Variants in KHK observed in about 807,000 individuals in gnomAD.
KHK encodes the protein fructokinase.
KHK carries 37 observed loss-of-function variants against 36.0 expected under a neutral mutation model. The observed-to-expected ratio is 1.03, with a 90% CI of 0.79 to 1.35. KHK has a LOEUF of 1.35. Ranked by LOEUF, KHK falls within the 40% of genes most tolerant of loss-of-function variation. The pLI is 0.00. For missense variants in KHK, 395 were observed against 391.9 expected, an observed-to-expected ratio of 1.01 and a Z score of -0.07; for synonymous variants, 161 against 162.8, an observed-to-expected ratio of 0.99 and a Z score of 0.08.
chr2:27,099,718 TG>T lies in KHK; in HGVS notation c.866del (p.Cys289LeufsTer128). 1.2e-6 allele frequency: 2 copies of T among 1,613,964 alleles called. No homozygotes were observed. The highest frequency in any genetic ancestry group is 1.7e-6 in the Non-Finnish European group (2 of 1,179,992). On this transcript the variant is annotated frameshift_variant, in exon 8 of 8. Transcript: ENST00000260598. LOFTEE classifies it high-confidence loss of function. ...RFGCQVAGKK[C>X]GLQGFDGIV ...CGGGTGCCAGGTGGCCGGCAAGAAG[TG>T]TGGCCTGCAGGGCTTTGATGGCATC... is the stretch of plus-strand genomic sequence containing the variant.
intron 1 of KHK, among the ~76,000 whole-genome samples, chr2:27,091,800 A>G (rs1326906293): frequency 2.0e-5 from 3 of 152,198 alleles, no homozygotes; most frequent in Middle Eastern, 3.2e-3. Context: ...TAAACGACCA[A>G]CGTCCAGGTT....
chr2:27,087,210 C>A lies in KHK; in HGVS notation c.-50C>A. 6 of 1,485,654 alleles carry A rather than the reference C, an allele frequency of 4.0e-6. No individual in the cohort carries two copies. Among genetic ancestry groups the A allele is most frequent in the Non-Finnish European group, 5.5e-6 (6 of 1,086,544 alleles). The allele number at this position is 1,485,654 out of a possible 1,614,324, so 92.0% of individuals were successfully genotyped here. A position where few individuals can be genotyped will look rare whatever the true frequency, so the allele number is the denominator to read the frequency against. On this transcript the variant is annotated 5_prime_UTR_variant, in exon 1 of 8. Coordinates refer to ENST00000260598, the MANE Select transcript of KHK (RefSeq NM_006488.3). ...ATCCTCCTGGATAAGAGGCAGAGGC[C>A]GGGAGGAACCCCGTCAGCCGGGCGG...
rs745546639 is a variant in KHK, at chr2:27,099,444, TGAG to T, written c.683_685del (p.Glu228del). 141 of 1,613,852 alleles carry T rather than the reference TGAG, an allele frequency of 8.7e-5. No homozygotes were observed. Among genetic ancestry groups the T allele is most frequent in the Non-Finnish European group, 1.1e-4 (130 of 1,179,918 alleles). ...GGGCTGTGCTTGTCTGTGCCTGGGCTGAGGAGGGCGCCGACGCCCTGGGCCCTG... is the reference window on the plus strand; with the variant it reads ...GGGCTGTGCTTGTCTGTGCCTGGGCTGAGGGCGCCGACGCCCTGGGCCCTG... On this transcript the variant is annotated inframe_deletion, in exon 7 of 8. Transcript: ENST00000260598.
chr2:27,092,457 A>G lies in KHK; in HGVS notation c.209+9A>G. ...CCTGGCCATGTTGCTGAGTAAGTCC[A>G]GGAGGGAGAGCCCACTGGGGAAGGC... On this transcript the variant is annotated intron_variant, in intron 2 of 7. Transcript: ENST00000260598. 3 of 1,600,172 alleles carry G rather than the reference A, an allele frequency of 1.9e-6. No homozygotes were observed. Among genetic ancestry groups the G allele is most frequent in the Non-Finnish European group, 2.6e-6 (3 of 1,168,780 alleles).
rs764011093 is a variant in KHK, at chr2:27,099,895, C to T, written c.*145C>T. The stretch of plus-strand genomic sequence containing the variant: ...GAGGACTCTGCCTGTGTCCTGTGTT[C>T]CCCACAGGGAGAGGCTCTGGGGGGA... On this transcript the variant is annotated 3_prime_UTR_variant, in exon 8 of 8. Transcript: ENST00000260598. 6 of 1,530,702 alleles carry T rather than the reference C, an allele frequency of 3.9e-6. No individual in the cohort carries two copies. Among genetic ancestry groups the T allele is most frequent in the Non-Finnish European group, 5.3e-6 (6 of 1,129,816 alleles). 94.8% of individuals were successfully genotyped at this position (1,530,702 alleles called of 1,614,324 possible).
intron 1 of KHK, chr2:27,087,942 A>G (rs1669760196): frequency 1.3e-5 from 2 of 152,260 alleles, no homozygotes. Context: ...ATGTATGGAT[A>G]GAGCTGGTTC....
At chr2:27,096,486 T>C (rs887813866) in intron 3 of KHK, among the ~76,000 whole-genome samples, 1 of 151,166 alleles carries the variant, frequency 6.6e-6, no homozygotes, top group Non-Finnish European at 1.5e-5. Context: ...CCAGTTGACA[T>C]GTGTTGCAGT....
At position 27,094,882 on chromosome 2, in the gene KHK, T is replaced by C; in HGVS notation, c.292T>C (p.Cys98Arg). 6.2e-7 allele frequency: 1 copy of C among 1,614,026 alleles called. No homozygotes were observed. Among genetic ancestry groups the C allele is most frequent in the Non-Finnish European group, 8.5e-7 (1 of 1,180,046 alleles). ...GAGCAAGGGGGACACCCCCAGCTCC[T>C]GCTGCATCATCAACAACTCCAATGG... Reference protein sequence around the residue: ...WQSKGDTPSSCCIINNSNGNR... With the variant: ...WQSKGDTPSSRCIINNSNGNR... The change falls in exon 3 of 8, where the codon TGC (cysteine) becomes CGC (arginine). Residue 98 changes from cysteine to arginine, a missense_variant. By Grantham distance (180) the Cys-to-Arg change is radical. Coordinates refer to ENST00000260598, the MANE Select transcript of KHK (RefSeq NM_006488.3).
intron 5 of KHK, among the ~76,000 whole-genome samples, chr2:27,098,423 C>T (rs534463990): frequency 1.4e-5 from 2 of 146,950 alleles, no homozygotes; most frequent in South Asian, 4.3e-4. Context: ...GAGGCCAATG[C>T]AGGAGGATCA....
intron 1 of KHK, among the ~76,000 whole-genome samples, chr2:27,091,729 G>A (rs980725971): frequency 5.3e-5 from 8 of 152,204 alleles, no homozygotes; most frequent in Non-Finnish European, 1.2e-4. Context: ...CGTGTGTCTT[G>A]TTAGTTTCCT....
chr2:27,097,537 A>C lies in KHK; in HGVS notation c.452A>C (p.Gln151Pro), dbSNP rs1242006155. Residue 151 changes from glutamine to proline, a missense_variant, in exon 5 of 8, where the codon CAG (glutamine) becomes CCG (proline). Coordinates refer to ENST00000260598, the MANE Select transcript of KHK (RefSeq NM_006488.3). ...RNASEQVKML[Q>P]RIDAHNTRQP... ...GCATCGGAGCAGGTGAAGATGCTGC[A>C]GCGGATAGACGCACACAACACCAGG... 1.2e-6 allele frequency: 2 copies of C among 1,613,826 alleles called. No homozygotes were observed. Among genetic ancestry groups the C allele is most frequent in the East Asian group, 4.5e-5 (2 of 44,896 alleles).
intron 5 of KHK, 189 bp from the exon 6 acceptor site, chr2:27,099,007 C>T: frequency 1.6e-6 from 1 of 616,902 alleles, no homozygotes; most frequent in Non-Finnish European, 3.0e-6. Flanking sequence ...CAAGACCAGC[C>T]TCAGGGAGAC....
At chr2:27,088,505 T>C (rs1669800092) in intron 1 of KHK, among the ~76,000 whole-genome samples, 1 of 152,156 alleles carries the variant, frequency 6.6e-6, no homozygotes, top group Non-Finnish European at 1.5e-5. Context: ...CTCCGCCTCC[T>C]GGATTCAAGC....
rs756059234 is a variant in KHK, at chr2:27,094,940, G to T, written c.344+6G>T. On this transcript the variant is annotated splice_donor_region_variant and intron_variant, in intron 3 of 7. Transcript: ENST00000260598. Reference sequence around the variant, plus strand: ...ACCATTGTGCTCCATGACACGTAAGGCCCCCGGGCCTCGCCCTGCTACAAC... The same window carrying T: ...ACCATTGTGCTCCATGACACGTAAGTCCCCCGGGCCTCGCCCTGCTACAAC... The T allele has an allele frequency of 6.2e-6, 10 of 1,613,648 alleles. 1 individual carries two copies. In the South Asian group the frequency reaches 9.9e-5, roughly 16 times the overall value.
intron 1 of KHK, among the ~76,000 whole-genome samples, chr2:27,089,120 C>T (rs1167793495): frequency 3.9e-5 from 6 of 152,316 alleles, no homozygotes; most frequent in South Asian, 2.1e-4. Flanking sequence ...TTTAAGGCCA[C>T]GGAGTTAAAT....
intron 1 of KHK, 22 bp downstream of exon 1, chr2:27,087,373 A>T: frequency 6.6e-7 from 1 of 1,518,468 alleles, no homozygotes; most frequent in Non-Finnish European, 9.0e-7. Flanking sequence ...CAGGTCCCCT[A>T]GGGGACCCCA....
At position 27,094,904 on chromosome 2, in the gene KHK, A is replaced by G. The variant is rs1063554; in HGVS notation, c.314A>G (p.Asn105Ser). ...TCCTGCTGCATCATCAACAACTCCAATGGCAACCGTACCATTGTGCTCCAT... is the reference window on the plus strand; with the variant it reads ...TCCTGCTGCATCATCAACAACTCCAGTGGCAACCGTACCATTGTGCTCCAT... ...PSSCCIINNS[N>S]GNRTIVLHDT... The change falls in exon 3 of 8, where the codon AAT becomes AGT. Residue 105 changes from asparagine (N) to serine (S), a missense_variant. Physicochemically the swap from Asn to Ser is conservative, Grantham distance 46. Transcript: ENST00000260598. The G allele has an allele frequency of 1.2e-5, 20 of 1,613,814 alleles. No homozygotes were observed. The highest frequency in any genetic ancestry group is 2.7e-5 in the African/African-American group (2 of 74,926).
In KHK at chr2:27,100,489, G is replaced by A. The variant is rs751242318; in HGVS notation, c.*739G>A. The A allele has an allele frequency of 4.7e-5, 61 of 1,291,018 alleles. No homozygotes were observed. The highest frequency in any genetic ancestry group is 5.9e-5 in the Non-Finnish European group (58 of 988,866). The allele number at this position is 1,291,018 out of a possible 1,614,324, so 80.0% of individuals were successfully genotyped here. A position where few individuals can be genotyped will look rare whatever the true frequency, so the allele number is the denominator to read the frequency against. On this transcript the variant is annotated 3_prime_UTR_variant, in exon 8 of 8. Coordinates refer to ENST00000260598, the MANE Select transcript of KHK (RefSeq NM_006488.3). Reference sequence around the variant, plus strand: ...AGTGTTGCTGTCCTCAGGGAGGTCCGATCTGGAACACATATTGGAATTGGG... The same window carrying A: ...AGTGTTGCTGTCCTCAGGGAGGTCCAATCTGGAACACATATTGGAATTGGG...
chr2:27,093,856 G>C (rs1040331016), intron 2 of KHK, among the ~76,000 whole-genome samples: 2 of 152,206 alleles, frequency 1.3e-5, no homozygotes, highest in African/African-American at 4.8e-5. Context: ...CATCAGGCAC[G>C]GGGAGCCAGC....
Sources: allele counts gnomAD v4.1 joint callset (sites outside exome capture counted in the v4.1 genomes callset), GRCh38; gene constraint gnomAD v4.1.1; transcripts MANE v1.5; gene names NCBI Gene and HGNC (gene_info 2026-07-23, HGNC 2026-07-21).